The following IQCK variants were observed in gnomAD, a reference collection of about 807,000 sequenced individuals.
IQCK encodes IQ motif containing K.
In IQCK, 29 loss-of-function variants were observed where a neutral mutation model predicts 28.1. That is an observed-to-expected ratio of 1.03 (90% CI 0.77 to 1.41). The LOEUF is 1.41. Ranked by LOEUF, IQCK falls within the 40% of genes most tolerant of loss-of-function variation. IQCK has a pLI of 0.00. For missense variants in IQCK, 359 were observed against 314.7 expected (o/e 1.14, Z -1.07); for synonymous variants, 113 against 115.1 (o/e 0.98, Z 0.12).
chr16:19,857,405 T>C (rs1428945739), exon 10 of IQCK: 1 of 433,838 alleles, frequency 2.3e-6, no homozygotes, highest in East Asian at 7.2e-5. Flanking sequence ...TATAGTCGTT[T>C]ATGGTACATA....
intron 9 of IQCK, among the ~76,000 whole-genome samples, chr16:19,840,890 TG>T (rs2056356030): frequency 6.6e-6 from 1 of 152,232 alleles, no homozygotes; most frequent in East Asian, 1.9e-4. Context: ...CTGGTTGCAT[TG>T]CCAAGGGCAT....
intron 4 of IQCK, among the ~76,000 whole-genome samples, chr16:19,756,611 G>A (rs2055055502): frequency 6.6e-6 from 1 of 152,194 alleles, no homozygotes; most frequent in Non-Finnish European, 1.5e-5. Flanking sequence ...CCATGGCCGG[G>A]CGCAGTGGCT....
At chr16:19,809,421 A>T (rs755169563) in intron 7 of IQCK, among the ~76,000 whole-genome samples, 2 of 152,212 alleles carry the variant, frequency 1.3e-5, no homozygotes, top group African/African-American at 2.4e-5. Context: ...CATGTCTGGC[A>T]GGTGGTGCTG....
intron 7 of IQCK, among the ~76,000 whole-genome samples, chr16:19,818,657 T>C (rs939050293): frequency 2.0e-5 from 3 of 152,196 alleles, no homozygotes; most frequent in African/African-American, 7.2e-5. Flanking sequence ...CCTCCCAAAG[T>C]GCTGGGATTA....
intron 6 of IQCK, among the ~76,000 whole-genome samples, chr16:19,767,592 C>A (rs1056142514): frequency 6.6e-6 from 1 of 152,100 alleles, no homozygotes; most frequent in African/African-American, 2.4e-5. Flanking sequence ...TATCTTTTTC[C>A]GCTGAAGTGC....
At chr16:19,754,802 A>G (rs1236775606) in intron 4 of IQCK, among the ~76,000 whole-genome samples, 2 of 152,192 alleles carry the variant, frequency 1.3e-5, no homozygotes, top group Non-Finnish European at 2.9e-5. Flanking sequence ...AAAATTAGTA[A>G]TACCATCAGC....
chr16:19,844,914 T>A (rs1295016205), intron 9 of IQCK, among the ~76,000 whole-genome samples: 2 of 152,126 alleles, frequency 1.3e-5, no homozygotes, highest in Admixed American at 6.5e-5. Context: ...GCTAAAGTGA[T>A]CCTCCCACCT....
At chr16:19,769,168 A>G (rs1383276240) in intron 6 of IQCK, among the ~76,000 whole-genome samples, 1 of 152,222 alleles carries the variant, frequency 6.6e-6, no homozygotes, top group African/African-American at 2.4e-5. Context: ...AGAAGGAAGC[A>G]TGGTACCTTT....
intron 7 of IQCK, among the ~76,000 whole-genome samples, chr16:19,789,501 T>C (rs2055592989): frequency 1.6e-5 from 1 of 60,656 alleles, no homozygotes; most frequent in Admixed American, 1.7e-4. Context: ...CCTTTTAAAG[T>C]TGGGTTGACT....
intron 2 of IQCK, among the ~76,000 whole-genome samples, chr16:19,732,575 C>T (rs772890546): frequency 6.6e-6 from 1 of 152,226 alleles, no homozygotes; most frequent in Non-Finnish European, 1.5e-5. Context: ...ATCTTCCCGC[C>T]TTTTCCTCCC....
intron 1 of IQCK, among the ~76,000 whole-genome samples, chr16:19,729,992 T>G (rs1353840345): frequency 6.9e-6 from 1 of 145,568 alleles, no homozygotes; most frequent in African/African-American, 2.6e-5. Flanking sequence ...GCTCTTGTCT[T>G]TCAGGCTGGC....
intron 2 of IQCK, among the ~76,000 whole-genome samples, chr16:19,732,176 C>T (rs890588001): frequency 6.6e-6 from 1 of 152,228 alleles, no homozygotes; most frequent in Non-Finnish European, 1.5e-5. Context: ...ACATATACAC[C>T]AGTCTCTTCC....
At chr16:19,830,535 C>T (rs980669214), downstream of IQCK, among the ~76,000 whole-genome samples, 14 of 152,182 alleles carry the variant, frequency 9.2e-5, no homozygotes, top group African/African-American at 1.4e-4. Flanking sequence ...GTAAATACCC[C>T]AGTGTGAACC....
At chr16:19,837,488 T>C (rs147852020) in intron 9 of IQCK, among the ~76,000 whole-genome samples, 18 of 152,162 alleles carry the variant, frequency 1.2e-4, no homozygotes, top group Non-Finnish European at 1.5e-5. Flanking sequence ...CCTGGGCAAG[T>C]TGTTAATCCT....
At chr16:19,774,588 T>G (rs2055365491) in intron 6 of IQCK, among the ~76,000 whole-genome samples, 1 of 152,106 alleles carries the variant, frequency 6.6e-6, no homozygotes, top group Non-Finnish European at 1.5e-5. Flanking sequence ...TGTCTGGAAC[T>G]CCTGAGCTCA....
chr16:19,776,864 T>G lies in IQCK; in HGVS notation c.606-11974T>G, dbSNP rs1216788284. ...TTATTAATCCAGCACCATCCTCTTTTGTAGTATATAGTCGTGACTCAACCA... is the reference window on the plus strand; with the variant it reads ...TTATTAATCCAGCACCATCCTCTTTGGTAGTATATAGTCGTGACTCAACCA... On this transcript the variant is annotated intron_variant, in intron 6 of 7. Coordinates refer to ENST00000564186, the Ensembl canonical transcript of IQCK. Among the ~76,000 whole-genome samples, 5 of 152,296 alleles carry G rather than the reference T, an allele frequency of 3.3e-5. No homozygotes were observed. In the East Asian group the frequency reaches 5.8e-4, roughly 18 times the overall value.
intron 6 of IQCK, among the ~76,000 whole-genome samples, chr16:19,780,810 T>C (rs1262097590): frequency 6.6e-6 from 1 of 152,250 alleles, no homozygotes; most frequent in Non-Finnish European, 1.5e-5. Context: ...TTAATTGGCC[T>C]GCTATTAGCT....
intron 1 of IQCK, among the ~76,000 whole-genome samples, chr16:19,720,444 A>T (rs747868858): frequency 3.9e-5 from 6 of 152,236 alleles, no homozygotes; most frequent in Non-Finnish European, 5.9e-5. Flanking sequence ...AAAGTTACTC[A>T]GCCTCATCTG....
chr16:19,762,504 T>C (rs1488401789), intron 4 of IQCK, among the ~76,000 whole-genome samples: 1 of 152,232 alleles, frequency 6.6e-6, no homozygotes, highest in African/African-American at 2.4e-5. Flanking sequence ...AATGTGCTTA[T>C]TGAAAGAGGA....
Sources: gnomAD v4.1 joint callset for allele counts (sites outside exome capture counted in the v4.1 genomes callset) on GRCh38, gnomAD v4.1.1 for gene constraint, MANE v1.5 for transcripts, NCBI Gene and HGNC (gene_info 2026-07-23, HGNC 2026-07-21) for gene names.